HS2ST1: variants seen among roughly 807,000 people sequenced by gnomAD.
HS2ST1 encodes the protein 2-O-sulfotransferase.
Under a neutral mutation model 42.9 loss-of-function variants are expected in HS2ST1, and 18 were observed. The observed-to-expected ratio is 0.42, with a 90% CI of 0.29 to 0.62. The LOEUF (loss-of-function observed/expected upper bound fraction) is 0.62. HS2ST1 is among the 20% of genes least tolerant of loss of function. The pLI, the probability that HS2ST1 is intolerant of heterozygous loss-of-function variation, is 0.21. For synonymous variants in HS2ST1, 146 were observed against 152.9 expected (o/e 0.95, Z 0.33); for missense variants, 334 against 433.8 (o/e 0.77, Z 2.04).
At chr1:86,940,015 A>G (rs768809594) in intron 1 of HS2ST1, among the ~76,000 whole-genome samples, 5 of 152,168 alleles carry the variant, frequency 3.3e-5, no homozygotes, top group Non-Finnish European at 5.9e-5. Context: ...ATTTTTTTGT[A>G]AGCTATTTTT....
chr1:86,978,451 G>T (rs1350556543), intron 1 of HS2ST1, among the ~76,000 whole-genome samples: 4 of 152,124 alleles, frequency 2.6e-5, no homozygotes, highest in Admixed American at 6.5e-5. Context: ...TTTTAAAGAG[G>T]CAGTTTTCTA....
At chr1:86,926,448 C>T (rs1660423961) in intron 1 of HS2ST1, among the ~76,000 whole-genome samples, 2 of 152,188 alleles carry the variant, frequency 1.3e-5, no homozygotes, top group African/African-American at 4.8e-5. Flanking sequence ...TCTCCCTGTG[C>T]TATAGCCTAG....
chr1:87,046,511 CTTTTTACCAAGCT>C, intron 1 of HS2ST1: 1 of 1,460,740 alleles, frequency 6.8e-7, no homozygotes, highest in East Asian at 2.3e-5. Flanking sequence ...TCCAGTTAAA[CTTTTTACCAAGCT>C]TTTTAAAGAT....
At chr1:86,931,974 T>C (rs1010479176) in intron 1 of HS2ST1, among the ~76,000 whole-genome samples, 11 of 152,080 alleles carry the variant, frequency 7.2e-5, no homozygotes, top group South Asian at 4.1e-4. Context: ...AGGTCTTGCT[T>C]TCTTGCCTAA....
At chr1:86,938,632 GA>G (rs1005360876) in intron 1 of HS2ST1, among the ~76,000 whole-genome samples, 5 of 152,096 alleles carry the variant, frequency 3.3e-5, no homozygotes, top group Admixed American at 1.3e-4. Context: ...TGAGTAAAAA[GA>G]AAAAATCAAT....
chr1:86,933,991 GGTGT>G (rs1038820848), intron 1 of HS2ST1, among the ~76,000 whole-genome samples: 2 of 151,732 alleles, frequency 1.3e-5, no homozygotes, highest in African/African-American at 4.9e-5. Flanking sequence ...CTATTGATGT[GGTGT>G]GTGTGTGTGT....
rs199839174 is a variant in HS2ST1 at position 87,089,805 on chromosome 1, T to TA, written c.450-2725dup. Among the ~76,000 whole-genome samples, 615 of 152,162 alleles carry TA rather than the reference T, an allele frequency of 4.0e-3. 4 individuals are homozygous for TA. The highest frequency in any genetic ancestry group is 0.02 in the Middle Eastern group (6 of 294). On this transcript the variant is annotated intron_variant, in intron 3 of 6. Transcript: ENST00000370550. Reference sequence around the variant, plus strand: ...CACCCAAAGCCATTCCACACATAGATAGTCATTTTCCTGGACAGCAAAAAG... The same window carrying TA: ...CACCCAAAGCCATTCCACACATAGATAAGTCATTTTCCTGGACAGCAAAAAG...
chr1:87,013,958 T>C (rs1166490716), intron 1 of HS2ST1, among the ~76,000 whole-genome samples: 1 of 152,166 alleles, frequency 6.6e-6, no homozygotes, highest in Non-Finnish European at 1.5e-5. Context: ...AAGTTTCTCA[T>C]CTCTATCTGA....
chr1:87,056,234 C>T lies in HS2ST1; in HGVS notation c.125-16700C>T, dbSNP rs116674110. Among the ~76,000 whole-genome samples, 308 of 152,192 alleles carry T rather than the reference C, an allele frequency of 2.0e-3. 1 individual carries two copies. Among genetic ancestry groups the T allele is most frequent in the African/African-American group, 7.1e-3 (295 of 41,516 alleles). ...GAAGCAAGATTGCCTCTCGTGTTTGCGCTATTTTCTGCATATGTCAGTTTC... is the reference window on the plus strand; with the variant it reads ...GAAGCAAGATTGCCTCTCGTGTTTGTGCTATTTTCTGCATATGTCAGTTTC... On this transcript the variant is annotated intron_variant, in intron 1 of 6. Transcript: ENST00000370550.
chr1:87,050,695 A>G (rs755329023), intron 1 of HS2ST1, among the ~76,000 whole-genome samples: 1 of 152,236 alleles, frequency 6.6e-6, no homozygotes, highest in Non-Finnish European at 1.5e-5. Flanking sequence ...GGAATTTGTT[A>G]TACCCTGTAA....
Position 87,040,736 on chromosome 1 carries a change from C to T in HS2ST1, c.125-32198C>T, listed in dbSNP as rs981215923. 8.6e-5 allele frequency among the ~76,000 whole-genome samples: 13 copies of T among 151,904 alleles called. No homozygotes were observed. In the South Asian group the frequency reaches 2.7e-3, roughly 32 times the overall value. ...ATAGGCAAGAGTTAAGTAAAAAGTC[C>T]GGAATATTAACCTTAAAAAGGAAGA... On this transcript the variant is annotated intron_variant, in intron 1 of 6. Coordinates refer to ENST00000370550, the MANE Select transcript of HS2ST1 (RefSeq NM_012262.4).
chr1:87,083,281 A>G (rs1000712211), intron 2 of HS2ST1, among the ~76,000 whole-genome samples: 4 of 152,188 alleles, frequency 2.6e-5, no homozygotes, highest in African/African-American at 7.2e-5. Flanking sequence ...GAATTATGCA[A>G]TTGACAGTTC....
At chr1:87,073,292 C>T in intron 2 of HS2ST1, 120 bp downstream of exon 2, 1 of 715,002 alleles carries the variant, frequency 1.4e-6, no homozygotes, top group Non-Finnish European at 2.4e-6. Context: ...GATCATAAGC[C>T]TTTTAGGGGA....
chr1:86,990,016 C>T (rs1026947947), intron 1 of HS2ST1, among the ~76,000 whole-genome samples: 4 of 151,752 alleles, frequency 2.6e-5, no homozygotes, highest in African/African-American at 9.7e-5. Context: ...TGAACAGTGC[C>T]GCAGTAAACA....
chr1:87,057,737 G>A (rs1285652243), intron 1 of HS2ST1, among the ~76,000 whole-genome samples: 1 of 151,928 alleles, frequency 6.6e-6, no homozygotes, highest in Admixed American at 6.6e-5. Flanking sequence ...TGTAGTCCCA[G>A]CTACTCAGGA....
intron 1 of HS2ST1, among the ~76,000 whole-genome samples, chr1:86,997,184 G>A (rs999877504): frequency 2.6e-5 from 4 of 152,168 alleles, no homozygotes; most frequent in African/African-American, 7.2e-5. Flanking sequence ...GGCTGGTAAC[G>A]GAGGCCTAAT....
At chr1:87,024,374 G>A (rs541672880) in intron 1 of HS2ST1, among the ~76,000 whole-genome samples, 25 of 152,124 alleles carry the variant, frequency 1.6e-4, no homozygotes, top group African/African-American at 6.0e-4. Context: ...GGTGGTGCAC[G>A]ACTGTAATCC....
chr1:86,978,148 AT>A (rs1361914324), intron 1 of HS2ST1, among the ~76,000 whole-genome samples: 1 of 152,208 alleles, frequency 6.6e-6, no homozygotes, highest in Non-Finnish European at 1.5e-5. Context: ...TATAGCATCT[AT>A]TAACAGGTTT....
chr1:86,935,297 T>TA (rs1015046134), intron 1 of HS2ST1, among the ~76,000 whole-genome samples: 32 of 151,462 alleles, frequency 2.1e-4, no homozygotes, highest in African/African-American at 2.2e-4. Flanking sequence ...GTTAAGTCAT[T>TA]AAAAAAAAGA....
Sources: gnomAD v4.1 joint callset for allele counts (sites outside exome capture counted in the v4.1 genomes callset) on GRCh38, gnomAD v4.1.1 for gene constraint, MANE v1.5 for transcripts, NCBI Gene and HGNC (gene_info 2026-07-23, HGNC 2026-07-21) for gene names.